The following TP63 variants were observed in gnomAD, a reference collection of about 807,000 sequenced individuals.
TP63 encodes tumor protein p63.
Under a neutral mutation model 82.8 loss-of-function variants are expected in TP63, and 17 were observed. The observed-to-expected ratio is 0.21, with a 90% CI of 0.14 to 0.31. TP63 has a LOEUF of 0.31. TP63 is among the 10% of genes least tolerant of loss of function. TP63 has a pLI of 1.00. For synonymous variants in TP63, 330 were observed against 321.7 expected (o/e 1.03, Z -0.28); for missense variants, 648 against 895.3 (o/e 0.72, Z 3.52).
At chr3:189,700,004 G>T (rs1717681984) in intron 1 of TP63, among the ~76,000 whole-genome samples, 1 of 152,142 alleles carries the variant, frequency 6.6e-6, no homozygotes, top group Non-Finnish European at 1.5e-5. Context: ...TTTGGTGACT[G>T]GGGAACACTG....
At chr3:189,680,682 G>A (rs752883859) in intron 1 of TP63, among the ~76,000 whole-genome samples, 2 of 152,178 alleles carry the variant, frequency 1.3e-5, no homozygotes, top group Non-Finnish European at 2.9e-5. Flanking sequence ...ACAAGGACAG[G>A]CCTGTATCTT....
At position 189,895,929 on chromosome 3, in the gene TP63, G is replaced by A. The variant is rs958629479; in HGVS notation, c.*1427G>A. On this transcript the variant is annotated 3_prime_UTR_variant, in exon 14 of 14. Transcript: ENST00000264731. ...AGTAACTGTGAGAACCCAGTTTCCC[G>A]TCCATCTCCCTTAGGGACTACCCAT... 16 of 228,296 alleles carry A rather than the reference G, an allele frequency of 7.0e-5. No individual in the cohort carries two copies. The highest frequency in any genetic ancestry group is 2.3e-4 in the Admixed American group (4 of 17,652). The allele number at this position is 228,296 out of a possible 1,614,324, so 14.1% of individuals were successfully genotyped here.
intron 3 of TP63, among the ~76,000 whole-genome samples, chr3:189,794,512 T>C (rs1725491952): frequency 6.6e-6 from 1 of 151,786 alleles, no homozygotes; most frequent in South Asian, 2.1e-4. Flanking sequence ...GGATTTTAGG[T>C]GAAGAAATAA....
chr3:189,828,880 G>A (rs1711860423), intron 4 of TP63, among the ~76,000 whole-genome samples: 2 of 152,156 alleles, frequency 1.3e-5, no homozygotes, highest in Admixed American at 1.3e-4. Context: ...GAAAACGGAA[G>A]CATCTTTCAC....
intron 1 of TP63, among the ~76,000 whole-genome samples, chr3:189,718,148 T>C (rs760701371): frequency 6.6e-6 from 1 of 152,090 alleles, no homozygotes; most frequent in Non-Finnish European, 1.5e-5. Context: ...AGAAAACTCC[T>C]AGGGACAACT....
At chr3:189,703,558 G>A (rs1717980266) in intron 1 of TP63, among the ~76,000 whole-genome samples, 1 of 152,088 alleles carries the variant, frequency 6.6e-6, no homozygotes, top group Admixed American at 6.5e-5. Context: ...TTTGAGTAGG[G>A]TGTGCATAAG....
intron 3 of TP63, among the ~76,000 whole-genome samples, chr3:189,774,141 C>A (rs1268932576): frequency 6.6e-6 from 1 of 151,998 alleles, no homozygotes; most frequent in Non-Finnish European, 1.5e-5. Context: ...CCAGGATGGT[C>A]TCGATCTCCT....
chr3:189,651,999 A>T (rs1476657944), intron 1 of TP63, among the ~76,000 whole-genome samples: 2 of 146,952 alleles, frequency 1.4e-5, no homozygotes, highest in African/African-American at 5.1e-5. Flanking sequence ...AAACGCCTGG[A>T]TGTCCGAGCA....
the TP63 span, among the ~76,000 whole-genome samples, chr3:189,624,757 A>G: frequency 6.6e-6 from 1 of 152,188 alleles, no homozygotes; most frequent in South Asian, 2.1e-4. Context: ...GGTTGGTAAA[A>G]AGGGAAAAGC....
the TP63 span, among the ~76,000 whole-genome samples, chr3:189,598,094 C>CA: frequency 2.0e-5 from 3 of 152,008 alleles, no homozygotes; most frequent in East Asian, 1.9e-4. Flanking sequence ...AGCAAAATAA[C>CA]AGACTAGTGA....
At chr3:189,760,521 A>G (rs143804217) in intron 3 of TP63, among the ~76,000 whole-genome samples, 82 of 152,300 alleles carry the variant, frequency 5.4e-4, no homozygotes, top group African/African-American at 1.9e-3. Context: ...GCTGATGCAA[A>G]AAGTGGGTTC....
At chr3:189,683,115 A>G (rs529093758) in intron 1 of TP63, among the ~76,000 whole-genome samples, 1 of 152,330 alleles carries the variant, frequency 6.6e-6, no homozygotes, top group South Asian at 2.1e-4. Flanking sequence ...AGGTTGAGAT[A>G]TAAGCCCTGG....
chr3:189,738,533 A>G, intron 2 of TP63, 109 bp from the exon 3 acceptor site: 10 of 1,531,728 alleles, frequency 6.5e-6, no homozygotes, highest in Non-Finnish European at 9.0e-6. Context: ...CCAAGAAACC[A>G]ATGAGCCTTG....
At position 189,889,511 on chromosome 3, in the gene TP63, G is replaced by C. The variant is rs367983802; in HGVS notation, c.1652+27G>C. On this transcript the variant is annotated intron_variant, in intron 12 of 13. Coordinates refer to ENST00000264731, the MANE Select transcript of TP63 (RefSeq NM_003722.5). ...TGAGTCCACAGCATGTGCCCCTGGG[G>C]GCCTGCCCTAAGCATCCCGGGATGG... The C allele has an allele frequency of 1.9e-6, 3 of 1,614,038 alleles. No individual in the cohort carries two copies. In the African/African-American group the frequency reaches 4.0e-5, roughly 22 times the overall value.
chr3:189,666,490 A>G (rs1044111462), intron 1 of TP63, among the ~76,000 whole-genome samples: 1 of 152,148 alleles, frequency 6.6e-6, no homozygotes, highest in African/African-American at 2.4e-5. Context: ...ATATTCTAGC[A>G]AAAACAATGA....
chr3:189,724,515 C>T (rs1719628347), intron 1 of TP63, among the ~76,000 whole-genome samples: 1 of 152,170 alleles, frequency 6.6e-6, no homozygotes, highest in South Asian at 2.1e-4. Context: ...TCCATTGTGT[C>T]ATTCTTCTGC....
rs373981926 is a variant in TP63 at position 189,660,178 on chromosome 3, G to C, written c.62+28601G>C. On this transcript the variant is annotated intron_variant, in intron 1 of 13. Coordinates refer to ENST00000264731, the MANE Select transcript of TP63 (RefSeq NM_003722.5). ...TAAGTTTTCTTCCAGGATTCTTATA[G>C]TTTGCAATCTTAAATTTAAATCTTT... Among the ~76,000 whole-genome samples the C allele has an allele frequency of 2.6e-5, 4 of 152,106 alleles. No homozygotes were observed. In the East Asian group the frequency reaches 7.7e-4, roughly 29 times the overall value.
At chr3:189,604,545 A>T in the TP63 span, among the ~76,000 whole-genome samples, 9 of 152,244 alleles carry the variant, frequency 5.9e-5, no homozygotes, top group African/African-American at 2.2e-4. Context: ...TCTTTCTTGG[A>T]TATTTACCTG....
At chr3:189,609,546 G>C in the TP63 span, among the ~76,000 whole-genome samples, 1 of 151,814 alleles carries the variant, frequency 6.6e-6, no homozygotes. Context: ...CCTCCCCCTT[G>C]AAGTATCCCC....
Sources: allele counts gnomAD v4.1 joint callset (sites outside exome capture counted in the v4.1 genomes callset), GRCh38; gene constraint gnomAD v4.1.1; transcripts MANE v1.5; gene names NCBI Gene and HGNC (gene_info 2026-07-23, HGNC 2026-07-21).